NKAIN2: variants seen among roughly 807,000 people sequenced by gnomAD.
NKAIN2 encodes sodium/potassium-transporting ATPase subunit beta-1-interacting protein 2.
In NKAIN2, 14 loss-of-function variants were observed where a neutral mutation model predicts 32.6. That is an observed-to-expected ratio of 0.43 (90% CI 0.28 to 0.67). NKAIN2 has a LOEUF of 0.67. Ranked by LOEUF, NKAIN2 falls within the 30% of genes least tolerant of loss-of-function variation. The probability of loss-of-function intolerance (pLI) is 0.17; values close to 1 mark genes in which losing one functional copy is unlikely to be tolerated. For synonymous variants in NKAIN2, 80 were observed against 87.2 expected (o/e 0.92, Z 0.46); for missense variants, 198 against 258.3 (o/e 0.77, Z 1.60).
At chr6:124,529,698 G>A (rs1359587238) in intron 3 of NKAIN2, among the ~76,000 whole-genome samples, 1 of 152,156 alleles carries the variant, frequency 6.6e-6, no homozygotes, top group Non-Finnish European at 1.5e-5. Flanking sequence ...GCAGAAAAAG[G>A]AGGAGGACAG....
chr6:124,199,372 T>G (rs1790496755), intron 1 of NKAIN2, among the ~76,000 whole-genome samples: 1 of 152,226 alleles, frequency 6.6e-6, no homozygotes, highest in African/African-American at 2.4e-5. Context: ...CCTTGCCCTC[T>G]GCAGTAGATT....
chr6:124,025,994 T>C (rs970743124), intron 1 of NKAIN2, among the ~76,000 whole-genome samples: 22 of 152,134 alleles, frequency 1.4e-4, no homozygotes, highest in African/African-American at 5.1e-4. Context: ...GTACCTGGGA[T>C]GGAAGGAATA....
intron 1 of NKAIN2, among the ~76,000 whole-genome samples, chr6:124,278,650 CATATATATATATATATATATATATAT>C (rs57008229): frequency 0.11 from 7,472 of 69,064 alleles, 408 homozygotes; most frequent in Admixed American, 0.17. Context: ...ATACATAGCT[CATATATATATATATATATATATATAT>C]ATATATATAT....
intron 3 of NKAIN2, among the ~76,000 whole-genome samples, chr6:124,438,670 C>G (rs915039670): frequency 6.6e-6 from 1 of 152,110 alleles, no homozygotes; most frequent in Non-Finnish European, 1.5e-5. Flanking sequence ...CAGCGTGCAG[C>G]CTTCCCTTTC....
chr6:124,655,512 A>G (rs894064423), intron 3 of NKAIN2, among the ~76,000 whole-genome samples: 1 of 152,132 alleles, frequency 6.6e-6, no homozygotes, highest in African/African-American at 2.4e-5. Flanking sequence ...AATGCTTTTT[A>G]AAAACTTGTC....
chr6:124,429,978 A>G (rs1400416134), intron 3 of NKAIN2, among the ~76,000 whole-genome samples: 1 of 150,500 alleles, frequency 6.6e-6, no homozygotes, highest in African/African-American at 2.4e-5. Context: ...TAGGTAGATG[A>G]AATGAGGCAA....
intron 3 of NKAIN2, among the ~76,000 whole-genome samples, chr6:124,490,227 AG>A (rs1372809247): frequency 6.6e-6 from 1 of 151,736 alleles, no homozygotes; most frequent in East Asian, 1.9e-4. Flanking sequence ...CATTCAGGAA[AG>A]AAAAAAAAAC....
intron 4 of NKAIN2, among the ~76,000 whole-genome samples, chr6:124,670,023 T>C (rs1773020415): frequency 6.6e-6 from 1 of 152,088 alleles, no homozygotes; most frequent in South Asian, 2.1e-4. Context: ...TCTCCTCCCA[T>C]GTAGGTTGGT....
intron 3 of NKAIN2, among the ~76,000 whole-genome samples, chr6:124,378,500 A>G (rs955716791): frequency 4.6e-5 from 7 of 152,120 alleles, no homozygotes; most frequent in African/African-American, 1.4e-4. Context: ...CTATACTGGC[A>G]CAGGCCAGTT....
At chr6:124,476,110 G>T (rs1050945515) in intron 3 of NKAIN2, among the ~76,000 whole-genome samples, 1 of 142,260 alleles carries the variant, frequency 7.0e-6, no homozygotes, top group Non-Finnish European at 1.5e-5. Flanking sequence ...GTGCGCGCGC[G>T]CATGCATGTA....
intron 4 of NKAIN2, among the ~76,000 whole-genome samples, chr6:124,688,349 T>C (rs754991478): frequency 1.5e-4 from 23 of 152,036 alleles, no homozygotes; most frequent in Admixed American, 3.3e-4. Context: ...TTTAGATTAA[T>C]AGCAAAATTG....
At chr6:123,999,182 G>A (rs866126417) in intron 1 of NKAIN2, among the ~76,000 whole-genome samples, 5 of 152,062 alleles carry the variant, frequency 3.3e-5, no homozygotes, top group Non-Finnish European at 5.9e-5. Context: ...TTGGGTATAA[G>A]GTGTATGCTT....
In NKAIN2 at chr6:124,360,072, C is replaced by T. The variant is rs963156287; in HGVS notation, c.273+4725C>T. ...TTGGTTCTGTTTATATGCTGGATTA[C>T]GTATATTGATTTGCGAATGTTGAAC... On this transcript the variant is annotated intron_variant, in intron 3 of 6. Coordinates refer to ENST00000368417, the MANE Select transcript of NKAIN2 (RefSeq NM_001040214.3). Among the ~76,000 whole-genome samples, 11 of 152,082 alleles carry T rather than the reference C, an allele frequency of 7.2e-5. No individual in the cohort carries two copies. The East Asian group carries it at 7.7e-4, about 11-fold the overall frequency.
In NKAIN2 at chr6:124,732,938, G is replaced by A. The variant is rs1015833282; in HGVS notation, c.475-58401G>A. On this transcript the variant is annotated intron_variant, in intron 4 of 6. Transcript: ENST00000368417. ...AAGTAACCAAGATGTTCTTGAGTAG[G>A]TGAATGGATAAATAAACCGTGATAC... 3.3e-5 allele frequency among the ~76,000 whole-genome samples: 5 copies of A among 151,848 alleles called. No individual in the cohort carries two copies. In the South Asian group the frequency reaches 1.0e-3, roughly 31 times the overall value.
intron 1 of NKAIN2, among the ~76,000 whole-genome samples, chr6:124,039,412 A>G (rs1224675697): frequency 2.6e-5 from 4 of 151,778 alleles, no homozygotes; most frequent in Non-Finnish European, 5.9e-5. Flanking sequence ...ATATATGTCT[A>G]TGTATTTATG....
intron 1 of NKAIN2, among the ~76,000 whole-genome samples, chr6:124,192,970 C>T (rs1005946126): frequency 1.3e-4 from 19 of 151,970 alleles, no homozygotes; most frequent in African/African-American, 3.9e-4. Flanking sequence ...AGGATGGTCT[C>T]GACCTCCTGA....
At chr6:124,145,688 G>A (rs1439639141) in intron 1 of NKAIN2, among the ~76,000 whole-genome samples, 1 of 152,036 alleles carries the variant, frequency 6.6e-6, no homozygotes, top group Non-Finnish European at 1.5e-5. Flanking sequence ...TGTATTTTTA[G>A]TAGAGAAGGG....
At chr6:124,657,426 G>A (rs1021658809) in intron 3 of NKAIN2, among the ~76,000 whole-genome samples, 3 of 152,148 alleles carry the variant, frequency 2.0e-5, no homozygotes, top group Non-Finnish European at 4.4e-5. Flanking sequence ...ATAGGTGATT[G>A]CAAGCTCTCT....
chr6:124,712,108 G>T (rs1222259161), intron 4 of NKAIN2, among the ~76,000 whole-genome samples: 1 of 151,602 alleles, frequency 6.6e-6, no homozygotes, highest in South Asian at 2.1e-4. Flanking sequence ...CTGCTGGGGG[G>T]TGCCTCCCAG....
Sources: allele counts gnomAD v4.1 joint callset (sites outside exome capture counted in the v4.1 genomes callset), GRCh38; gene constraint gnomAD v4.1.1; transcripts MANE v1.5; gene names NCBI Gene and HGNC (gene_info 2026-07-23, HGNC 2026-07-21).